The following TRIM2 variants were observed in gnomAD, a reference collection of about 807,000 sequenced individuals.
TRIM2 encodes tripartite motif-containing protein 2.
In TRIM2, 20 loss-of-function variants were observed where a neutral mutation model predicts 75.2. That is an observed-to-expected ratio of 0.27 (90% CI 0.19 to 0.39). The LOEUF (loss-of-function observed/expected upper bound fraction) is 0.39, where lower values mean the gene tolerates loss of function less well. Ranked by LOEUF, TRIM2 falls within the 10% of genes least tolerant of loss-of-function variation. The probability of loss-of-function intolerance (pLI) is 1.00; values close to 1 mark genes in which losing one functional copy is unlikely to be tolerated. For missense variants in TRIM2, 660 were observed against 990.8 expected, an observed-to-expected ratio of 0.67 and a Z score of 4.48; for synonymous variants, 373 against 388.3, an observed-to-expected ratio of 0.96 and a Z score of 0.46.
At chr4:153,193,427 G>A (rs1169841966) in intron 1 of TRIM2, among the ~76,000 whole-genome samples, 1 of 152,126 alleles carries the variant, frequency 6.6e-6, no homozygotes, top group Non-Finnish European at 1.5e-5. Flanking sequence ...CACCGCGCCT[G>A]GCCCATGAAT....
intron 1 of TRIM2, among the ~76,000 whole-genome samples, chr4:153,235,021 A>G (rs1015376857): frequency 7.9e-5 from 12 of 152,068 alleles, no homozygotes; most frequent in Non-Finnish European, 1.8e-4. Context: ...AACTGCTTCT[A>G]GTTGGTCTTC....
chr4:153,246,810 T>G (rs1749289344), intron 1 of TRIM2, among the ~76,000 whole-genome samples: 1 of 152,160 alleles, frequency 6.6e-6, no homozygotes, highest in Admixed American at 6.5e-5. Flanking sequence ...GGGTCAGGCC[T>G]CACCTGACCG....
chr4:153,261,230 T>A (rs1373373321), intron 1 of TRIM2, among the ~76,000 whole-genome samples: 1 of 152,222 alleles, frequency 6.6e-6, no homozygotes, highest in Non-Finnish European at 1.5e-5. Context: ...GAGACCAGCC[T>A]GGCCAGTATG....
chr4:153,189,070 C>T (rs563324750), intron 1 of TRIM2, among the ~76,000 whole-genome samples: 9 of 152,184 alleles, frequency 5.9e-5, no homozygotes, highest in African/African-American at 1.4e-4. Flanking sequence ...AGACTGTTCT[C>T]GAACTCCTGG....
At chr4:153,152,524 T>C (rs192774179), upstream of TRIM2, 48 of 151,992 alleles carry the variant, frequency 3.2e-4, no homozygotes, top group East Asian at 6.8e-3. Context: ...TCCTTCCTGC[T>C]TGACAAGATT....
intron 1 of TRIM2, among the ~76,000 whole-genome samples, chr4:153,254,898 A>T (rs1751689290): frequency 2.0e-5 from 3 of 152,180 alleles, no homozygotes; most frequent in Admixed American, 1.3e-4. Context: ...TCAGAAACAG[A>T]TATCACCTGC....
intron 1 of TRIM2, among the ~76,000 whole-genome samples, chr4:153,230,752 T>A (rs1743399564): frequency 6.6e-6 from 1 of 152,194 alleles, no homozygotes. Flanking sequence ...TCCTATCAAT[T>A]TTTATTAGTT....
At chr4:153,199,602 C>T (rs1213346668), upstream of TRIM2, among the ~76,000 whole-genome samples, 1 of 151,958 alleles carries the variant, frequency 6.6e-6, no homozygotes, top group African/African-American at 2.4e-5. Context: ...TTATTATTTT[C>T]ATTTGCATTG....
At chr4:153,207,847 T>C (rs1314200673) in intron 1 of TRIM2, among the ~76,000 whole-genome samples, 1 of 152,210 alleles carries the variant, frequency 6.6e-6, no homozygotes, top group Non-Finnish European at 1.5e-5. Flanking sequence ...CTAGCTTCTG[T>C]CTATGACTTT....
At chr4:153,165,404 C>T (rs1430358952) in intron 1 of TRIM2, among the ~76,000 whole-genome samples, 1 of 152,016 alleles carries the variant, frequency 6.6e-6, no homozygotes, top group Non-Finnish European at 1.5e-5. Context: ...GATCATGGCT[C>T]ACTGCAGCCT....
At chr4:153,316,113 A>G (rs1767524708) in intron 8 of TRIM2, 114 bp downstream of exon 8, 1 of 984,040 alleles carries the variant, frequency 1.0e-6, no homozygotes. Flanking sequence ...AATTCTTCAT[A>G]CACAAAGATA....
chr4:153,195,291 G>A (rs1733652462), intron 1 of TRIM2, among the ~76,000 whole-genome samples: 1 of 152,128 alleles, frequency 6.6e-6, no homozygotes, highest in Non-Finnish European at 1.5e-5. Flanking sequence ...GGCTGAGGCA[G>A]GTGGATTACT....
intron 1 of TRIM2, among the ~76,000 whole-genome samples, chr4:153,212,545 G>A (rs1737340798): frequency 6.6e-6 from 1 of 152,228 alleles, no homozygotes; most frequent in South Asian, 2.1e-4. Flanking sequence ...TGTGGTCCCA[G>A]CTATTCAGGA....
intron 4 of TRIM2, 140 bp downstream of exon 4, chr4:153,293,273 G>T: frequency 1.1e-6 from 1 of 903,734 alleles, no homozygotes. Context: ...CTTTTATCAT[G>T]GATTTGTTGT....
intron 1 of TRIM2, among the ~76,000 whole-genome samples, chr4:153,214,285 C>G (rs1413354762): frequency 6.6e-6 from 1 of 152,182 alleles, no homozygotes; most frequent in Non-Finnish European, 1.5e-5. Flanking sequence ...GGAGATGCCC[C>G]TCTAAGTCCC....
chr4:153,182,641 G>T (rs78702879), intron 1 of TRIM2, among the ~76,000 whole-genome samples: 5,199 of 152,146 alleles, frequency 0.034, 153 homozygotes, highest in South Asian at 0.061. Flanking sequence ...CAGTATTTAG[G>T]GTGCACACAA....
chr4:153,182,534 C>A (rs2149639393), intron 1 of TRIM2, among the ~76,000 whole-genome samples: 1 of 152,276 alleles, frequency 6.6e-6, no homozygotes, highest in Admixed American at 6.5e-5. Context: ...GTTATTAGGG[C>A]TAAGTGAGCT....
At chr4:153,258,575 G>A (rs544185877) in intron 1 of TRIM2, among the ~76,000 whole-genome samples, 54 of 152,184 alleles carry the variant, frequency 3.5e-4, no homozygotes, top group South Asian at 1.5e-3. Context: ...ATTAAAAATT[G>A]AATGTTAATA....
At chr4:153,254,079 G>T (rs1283322593) in intron 1 of TRIM2, among the ~76,000 whole-genome samples, 1 of 152,210 alleles carries the variant, frequency 6.6e-6, no homozygotes, top group Non-Finnish European at 1.5e-5. Context: ...TGAACAGAGT[G>T]TGACTAGGGA....
Sources: allele counts gnomAD v4.1 joint callset (sites outside exome capture counted in the v4.1 genomes callset), GRCh38; gene constraint gnomAD v4.1.1; transcripts MANE v1.5; gene names NCBI Gene and HGNC (gene_info 2026-07-23, HGNC 2026-07-21).